MGAT4C: variants seen among roughly 807,000 people sequenced by gnomAD.
MGAT4C encodes MGAT4 family member C.
Under a neutral mutation model 40.1 loss-of-function variants are expected in MGAT4C, and 19 were observed. The ratio of observed to expected loss-of-function variants is 0.47; its 90% confidence interval spans 0.33 to 0.70. The LOEUF (loss-of-function observed/expected upper bound fraction) is 0.70, where lower values mean the gene tolerates loss of function less well. MGAT4C is among the 30% of genes least tolerant of loss of function. The pLI, the probability that MGAT4C is intolerant of heterozygous loss-of-function variation, is 0.02. For missense variants in MGAT4C, 491 were observed against 563.2 expected, an observed-to-expected ratio of 0.87 and a Z score of 1.30; for synonymous variants, 181 against 187.1, an observed-to-expected ratio of 0.97 and a Z score of 0.27.
rs115277728 is a variant in MGAT4C, at chr12:86,806,425, T to G, written c.-262+32241A>C. On this transcript the variant is annotated intron_variant, in intron 1 of 7. Transcript: ENST00000548651. ...TTACTCAGATTTATCCAGCTTTACT[T>G]ACATCTGTGTGTGTGTGTGTGTGTG... is the stretch of plus-strand genomic sequence containing the variant. Among the ~76,000 whole-genome samples the G allele has an allele frequency of 3.5e-3, 414 of 119,970 alleles. 5 individuals are homozygous for G. The highest frequency in any genetic ancestry group is 0.011 in the African/African-American group (403 of 36,342). 78.7% of individuals were successfully genotyped at this position (119,970 alleles called of 152,430 possible).
rs1955102750 is a variant in MGAT4C, at chr12:86,349,081, T to C, written c.-119-14954A>G. Among the ~76,000 whole-genome samples, 3 of 152,150 alleles carry C rather than the reference T, an allele frequency of 2.0e-5. No individual in the cohort carries two copies. The South Asian group carries it at 6.2e-4, about 31-fold the overall frequency. On this transcript the variant is annotated intron_variant, in intron 3 of 7. Coordinates refer to the MGAT4C transcript ENST00000548651. Reference sequence around the variant, plus strand: ...AATTTAATTTTCTTGAAACTAAAGTTCTTATTGCTTGGGTTTATTTCCACT... The same window carrying C: ...AATTTAATTTTCTTGAAACTAAAGTCCTTATTGCTTGGGTTTATTTCCACT...
At chr12:86,423,753 T>A (rs2136259684) in intron 3 of MGAT4C, among the ~76,000 whole-genome samples, 1 of 152,328 alleles carries the variant, frequency 6.6e-6, no homozygotes, top group African/African-American at 2.4e-5. Flanking sequence ...TATTATCCAT[T>A]CATAATGTCT....
chr12:86,659,831 A>G (rs1183347650), intron 2 of MGAT4C, among the ~76,000 whole-genome samples: 1 of 152,020 alleles, frequency 6.6e-6, no homozygotes, highest in Admixed American at 6.6e-5. Flanking sequence ...ATGTTGACTA[A>G]ATAGTGTCTT....
chr12:86,202,985 T>G (rs1351232649), intron 1 of MGAT4C, among the ~76,000 whole-genome samples: 1 of 151,702 alleles, frequency 6.6e-6, no homozygotes, highest in Non-Finnish European at 1.5e-5. Flanking sequence ...TACTGACTGC[T>G]TTTGCTGCTA....
At position 86,184,707 on chromosome 12, in the gene MGAT4C, A is replaced by G. The variant is rs532112705; in HGVS notation, c.-57+71532T>C. On this transcript the variant is annotated intron_variant, in intron 1 of 4. Coordinates refer to ENST00000611864, the MANE Select transcript of MGAT4C (RefSeq NM_001351288.2). ...TTACTTTTGTTTTCTTCTTTCCTAC[A>G]CTGTTCCTGCCTTATTTCTTTTTCT... is the stretch of plus-strand genomic sequence containing the variant. Among the ~76,000 whole-genome samples the G allele has an allele frequency of 2.8e-3, 364 of 130,224 alleles. 1 individual carries two copies. The highest frequency in any genetic ancestry group is 4.5e-3 in the Non-Finnish European group (281 of 62,826). 85.4% of individuals were successfully genotyped at this position (130,224 alleles called of 152,430 possible). A position where few individuals can be genotyped will look rare whatever the true frequency, so the allele number is the denominator to read the frequency against.
chr12:86,704,215 G>A (rs1173372059), intron 2 of MGAT4C, among the ~76,000 whole-genome samples: 1 of 151,848 alleles, frequency 6.6e-6, no homozygotes, highest in Admixed American at 6.6e-5. Flanking sequence ...TGTATTCTTG[G>A]GTATCAAGTT....
intron 2 of MGAT4C, among the ~76,000 whole-genome samples, chr12:86,532,430 T>C (rs1029036466): frequency 2.0e-5 from 3 of 151,998 alleles, no homozygotes; most frequent in Non-Finnish European, 2.9e-5. Context: ...TTTCTTAATA[T>C]AGAATAGAAA....
At chr12:86,155,570 T>C (rs1183606623) in intron 1 of MGAT4C, among the ~76,000 whole-genome samples, 1 of 152,292 alleles carries the variant, frequency 6.6e-6, no homozygotes, top group East Asian at 1.9e-4. Context: ...CATGGAGAGA[T>C]GGTGGCATTA....
chr12:86,728,875 CATT>C (rs1266431985), intron 1 of MGAT4C, among the ~76,000 whole-genome samples: 1 of 152,124 alleles, frequency 6.6e-6, no homozygotes. Flanking sequence ...TTTGTCTTAG[CATT>C]ATATCTTAGA....
chr12:86,173,800 A>G (rs1209173801), intron 1 of MGAT4C, among the ~76,000 whole-genome samples: 1 of 152,006 alleles, frequency 6.6e-6, no homozygotes, highest in Non-Finnish European at 1.5e-5. Context: ...TTATATTTCT[A>G]ATATGTGTCT....
At chr12:86,145,807 A>C (rs1216767175) in intron 1 of MGAT4C, among the ~76,000 whole-genome samples, 1 of 152,194 alleles carries the variant, frequency 6.6e-6, no homozygotes, top group Non-Finnish European at 1.5e-5. Flanking sequence ...GATTTTGCTC[A>C]GGCAAAAATA....
chr12:86,298,077 T>C (rs1020120714), intron 4 of MGAT4C, among the ~76,000 whole-genome samples: 5 of 152,000 alleles, frequency 3.3e-5, no homozygotes, highest in African/African-American at 9.7e-5. Flanking sequence ...GAAGAGGGTG[T>C]AGGGCAATAG....
chr12:86,351,013 G>T (rs79815190), intron 3 of MGAT4C, among the ~76,000 whole-genome samples: 13,910 of 151,074 alleles, frequency 0.092, 800 homozygotes, highest in Middle Eastern at 0.23. Context: ...TATATGATAT[G>T]GAATATTAAA....
intron 2 of MGAT4C, among the ~76,000 whole-genome samples, chr12:86,529,731 A>G (rs1195458402): frequency 6.6e-6 from 1 of 151,632 alleles, no homozygotes; most frequent in Admixed American, 6.6e-5. Context: ...ACAGATTATT[A>G]TTATTTTTTA....
chr12:86,792,052 C>T (rs1017844658), intron 1 of MGAT4C, among the ~76,000 whole-genome samples: 31 of 152,242 alleles, frequency 2.0e-4, no homozygotes, highest in African/African-American at 7.5e-4. Context: ...AGGTGTACAA[C>T]GTTGACAGAA....
chr12:86,025,983 C>T (rs1890206981), intron 2 of MGAT4C, among the ~76,000 whole-genome samples: 1 of 151,602 alleles, frequency 6.6e-6, no homozygotes, highest in South Asian at 2.1e-4. Context: ...AGTGAATGTA[C>T]AATGATACAT....
At chr12:86,123,842 C>T (rs189169742) in intron 1 of MGAT4C, among the ~76,000 whole-genome samples, 140 of 151,964 alleles carry the variant, frequency 9.2e-4, no homozygotes, top group Middle Eastern at 6.8e-3. Flanking sequence ...AAAATACGGA[C>T]GAAGGATAGG....
chr12:86,538,668 C>CACTATCTT (rs992925799), intron 2 of MGAT4C, among the ~76,000 whole-genome samples: 4 of 146,898 alleles, frequency 2.7e-5, no homozygotes, highest in Non-Finnish European at 4.5e-5. Context: ...AGTACAGTGG[C>CACTATCTT]ACTATCTTGG....
At chr12:86,347,540 A>G (rs1955066998) in intron 3 of MGAT4C, among the ~76,000 whole-genome samples, 1 of 152,174 alleles carries the variant, frequency 6.6e-6, no homozygotes, top group Non-Finnish European at 1.5e-5. Flanking sequence ...CCAAGAGTAT[A>G]CATTGTCAAT....
Sources: allele counts gnomAD v4.1 joint callset (sites outside exome capture counted in the v4.1 genomes callset), GRCh38; gene constraint gnomAD v4.1.1; transcripts MANE v1.5; gene names NCBI Gene and HGNC (gene_info 2026-07-23, HGNC 2026-07-21).